KLHL1: variants seen among roughly 807,000 people sequenced by gnomAD.
KLHL1 encodes the protein kelch-like protein 1.
KLHL1 carries 47 observed loss-of-function variants against 77.7 expected under a neutral mutation model. The ratio of observed to expected loss-of-function variants is 0.60; its 90% CI spans 0.48 to 0.77. The LOEUF is 0.77. KLHL1 is among the 30% of genes least tolerant of loss of function. KLHL1 has a pLI of 0.00. For missense variants in KLHL1, 925 were observed against 910.8 expected (o/e 1.02, Z -0.20); for synonymous variants, 360 against 325.2 (o/e 1.11, Z -1.15).
intron 5 of KLHL1, among the ~76,000 whole-genome samples, chr13:69,880,927 T>C (rs185427717): frequency 1.1e-4 from 17 of 152,286 alleles, no homozygotes; most frequent in South Asian, 6.2e-4. Context: ...ATAACTATCA[T>C]TGGCTTTCTG....
chr13:69,998,306 G>T (rs1885206292), intron 1 of KLHL1, among the ~76,000 whole-genome samples: 1 of 151,938 alleles, frequency 6.6e-6, no homozygotes, highest in South Asian at 2.1e-4. Context: ...ATGATCTATT[G>T]ATTCTCTAGC....
intron 1 of KLHL1, among the ~76,000 whole-genome samples, chr13:70,093,708 CTT>C (rs1887722875): frequency 6.6e-6 from 1 of 151,940 alleles, no homozygotes; most frequent in African/African-American, 2.4e-5. Context: ...TATTTTATGA[CTT>C]TGTTTTCTCA....
rs182612734 is a variant in KLHL1 at position 69,870,818 on chromosome 13, G to C, written c.1227+11465C>G. Among the ~76,000 whole-genome samples, 237 of 151,936 alleles carry C rather than the reference G, an allele frequency of 1.6e-3. 1 individual carries two copies. The highest frequency in any genetic ancestry group is 5.2e-3 in the African/African-American group (216 of 41,450). On this transcript the variant is annotated intron_variant, in intron 5 of 10. Transcript: ENST00000377844. ...ATCATCTCCTGTAACTCTATGTCCG[G>C]CACCTGGGGCACACTAGTGTGAGAG...
At chr13:70,049,725 T>A (rs1886586162) in intron 1 of KLHL1, among the ~76,000 whole-genome samples, 1 of 152,152 alleles carries the variant, frequency 6.6e-6, no homozygotes, top group African/African-American at 2.4e-5. Context: ...TGGTGGCTAT[T>A]TTTTAATATG....
chr13:70,025,314 C>T (rs1217022638), intron 1 of KLHL1, among the ~76,000 whole-genome samples: 1 of 151,972 alleles, frequency 6.6e-6, no homozygotes. Context: ...CTGTAATTCT[C>T]AGTGGTGATC....
chr13:70,088,017 T>C (rs1453463853), intron 1 of KLHL1, among the ~76,000 whole-genome samples: 2 of 152,160 alleles, frequency 1.3e-5, no homozygotes, highest in Non-Finnish European at 2.9e-5. Context: ...CAAATCACCA[T>C]GGCACATGTT....
At chr13:69,901,452 C>A (rs909604424) in intron 4 of KLHL1, among the ~76,000 whole-genome samples, 4 of 152,018 alleles carry the variant, frequency 2.6e-5, no homozygotes, top group Admixed American at 6.6e-5. Flanking sequence ...GAGTTGCAGA[C>A]AATTTGAAAG....
intron 5 of KLHL1, among the ~76,000 whole-genome samples, chr13:69,868,212 GA>G (rs1880445482): frequency 6.6e-6 from 1 of 151,804 alleles, no homozygotes; most frequent in Non-Finnish European, 1.5e-5. Context: ...AATATTTAGT[GA>G]AAAAATATGC....
chr13:69,781,556 T>G (rs1422922570), intron 7 of KLHL1, among the ~76,000 whole-genome samples: 1 of 152,154 alleles, frequency 6.6e-6, no homozygotes, highest in Non-Finnish European at 1.5e-5. Context: ...TGACAGGAAT[T>G]TCATTGCTGT....
chr13:69,795,685 A>T (rs1214501092), intron 7 of KLHL1, among the ~76,000 whole-genome samples: 1 of 152,176 alleles, frequency 6.6e-6, no homozygotes, highest in Non-Finnish European at 1.5e-5. Context: ...AAATCACAAA[A>T]CCAAGGCTCA....
At chr13:70,025,814 A>G (rs543965186) in intron 1 of KLHL1, among the ~76,000 whole-genome samples, 115 of 152,032 alleles carry the variant, frequency 7.6e-4, no homozygotes, top group Non-Finnish European at 5.6e-4. Flanking sequence ...AAATTGCCCT[A>G]CATACGTAAA....
intron 3 of KLHL1, among the ~76,000 whole-genome samples, 171 bp downstream of exon 3, chr13:69,961,137 A>G (rs1372734433): frequency 6.6e-6 from 1 of 152,074 alleles, no homozygotes; most frequent in Non-Finnish European, 1.5e-5. Flanking sequence ...ATACATATAT[A>G]CATTTGTAAT....
chr13:69,768,097 G>A (rs1169685398), intron 7 of KLHL1, among the ~76,000 whole-genome samples: 1 of 152,078 alleles, frequency 6.6e-6, no homozygotes, highest in Non-Finnish European at 1.5e-5. Context: ...TGCTGAGAAA[G>A]ATCTTCTCCT....
intron 7 of KLHL1, among the ~76,000 whole-genome samples, chr13:69,795,685 A>G (rs1214501092): frequency 6.6e-6 from 1 of 152,176 alleles, no homozygotes; most frequent in Non-Finnish European, 1.5e-5. Flanking sequence ...AAATCACAAA[A>G]CCAAGGCTCA....
intron 10 of KLHL1, among the ~76,000 whole-genome samples, chr13:69,703,157 A>T (rs1272372196): frequency 6.6e-6 from 1 of 151,690 alleles, no homozygotes; most frequent in East Asian, 1.9e-4. Flanking sequence ...CAGGTCATGG[A>T]TGAACCACAT....
chr13:70,095,035 A>G (rs980835905), intron 1 of KLHL1, among the ~76,000 whole-genome samples: 6 of 152,178 alleles, frequency 3.9e-5, no homozygotes, highest in Non-Finnish European at 7.4e-5. Context: ...CTCTTTTTAC[A>G]GCTACTGTTG....
rs151092065 is a variant in KLHL1 at position 69,952,173 on chromosome 13, G to A, written c.817+9135C>T. Among the ~76,000 whole-genome samples the A allele has an allele frequency of 6.6e-3, 995 of 151,420 alleles. 9 individuals carry two copies. Among genetic ancestry groups the A allele is most frequent in the African/African-American group, 0.02 (834 of 41,428 alleles). ...TGATTCAAAAATGTCCTATTACATC[G>A]TTTTTGAATTAGTCAAATTTGTCAG... On this transcript the variant is annotated intron_variant, in intron 3 of 10. Coordinates refer to ENST00000377844, the MANE Select transcript of KLHL1 (RefSeq NM_020866.3).
rs572903724 is a variant in KLHL1, at chr13:69,814,405, G to T, written c.1415-17443C>A. 2.6e-5 allele frequency among the ~76,000 whole-genome samples: 4 copies of T among 152,134 alleles called. No homozygotes were observed. The South Asian group carries it at 8.3e-4, about 32-fold the overall frequency. On this transcript the variant is annotated intron_variant, in intron 6 of 10. Transcript: ENST00000377844. ...CAAAACAAAAATTGACTATTGAGAG[G>T]TAATTAAACTGAAGAGCTTTGGCAA...
chr13:70,018,336 T>G (rs1885710662), intron 1 of KLHL1, among the ~76,000 whole-genome samples: 1 of 152,214 alleles, frequency 6.6e-6, no homozygotes, highest in Non-Finnish European at 1.5e-5. Flanking sequence ...GTGGCAAAGC[T>G]GAGACTTGAA....
Sources: allele counts gnomAD v4.1 joint callset (sites outside exome capture counted in the v4.1 genomes callset), GRCh38; gene constraint gnomAD v4.1.1; transcripts MANE v1.5; gene names NCBI Gene and HGNC (gene_info 2026-07-23, HGNC 2026-07-21).